RFX3: variants seen among roughly 807,000 people sequenced by gnomAD.
RFX3 encodes regulatory factor X3.
In RFX3, 14 loss-of-function variants were observed where a neutral mutation model predicts 98.6. The observed-to-expected ratio is 0.14, with a 90% CI of 0.09 to 0.22. The LOEUF is 0.22. RFX3 is among the 10% of genes least tolerant of loss of function. RFX3 has a pLI of 1.00. For synonymous variants in RFX3, 383 were observed against 328.4 expected (o/e 1.17, Z -1.80); for missense variants, 639 against 926.9 (o/e 0.69, Z 4.03).
chr9:3,457,550 C>T (rs1847304238), intron 1 of RFX3, among the ~76,000 whole-genome samples: 2 of 152,140 alleles, frequency 1.3e-5, no homozygotes, highest in African/African-American at 2.4e-5. Flanking sequence ...TCTGTCCCAA[C>T]CAGTAGTTTG....
At chr9:3,321,811 A>G (rs1157271735) in intron 4 of RFX3, among the ~76,000 whole-genome samples, 1 of 152,178 alleles carries the variant, frequency 6.6e-6, no homozygotes, top group Non-Finnish European at 1.5e-5. Context: ...TTTGATATAA[A>G]GACTAATATA....
chr9:3,227,459 C>T (rs911295743), intron 16 of RFX3, among the ~76,000 whole-genome samples: 6 of 152,160 alleles, frequency 3.9e-5, no homozygotes, highest in Non-Finnish European at 7.4e-5. Flanking sequence ...TATAAAAACT[C>T]GAAGACACTT....
chr9:3,229,098 G>C (rs1818146310), intron 15 of RFX3, among the ~76,000 whole-genome samples: 1 of 152,142 alleles, frequency 6.6e-6, no homozygotes, highest in African/African-American at 2.4e-5. Context: ...AGCTGTCTTA[G>C]CCTCTTCGCA....
chr9:3,525,391 A>C (rs549161763), intron 1 of RFX3, among the ~76,000 whole-genome samples: 56 of 152,292 alleles, frequency 3.7e-4, no homozygotes, highest in Admixed American at 1.1e-3. Flanking sequence ...CTCAGACCAG[A>C]CCTAAGGGAA....
chr9:3,335,429 A>G (rs2130960322), intron 3 of RFX3, among the ~76,000 whole-genome samples: 1 of 152,278 alleles, frequency 6.6e-6, no homozygotes, highest in Non-Finnish European at 1.5e-5. Context: ...TACTGAATAT[A>G]TTCTTCATAT....
In RFX3 at chr9:3,273,855, ACT is replaced by A. The variant is rs1425260716; in HGVS notation, c.1086+1643_1086+1644del. Among the ~76,000 whole-genome samples, 7 of 139,528 alleles carry A rather than the reference ACT, an allele frequency of 5.0e-5. No individual in the cohort carries two copies. The Admixed American group carries it at 5.1e-4, about 10-fold the overall frequency. 91.5% of individuals were successfully genotyped at this position (139,528 alleles called of 152,430 possible). A position where few individuals can be genotyped will look rare whatever the true frequency, so the allele number is the denominator to read the frequency against. On this transcript the variant is annotated intron_variant, in intron 9 of 16. Coordinates refer to ENST00000617270, the MANE Select transcript of RFX3 (RefSeq NM_001282116.2). The stretch of plus-strand genomic sequence containing the variant: ...ACTCCAGCCTGGGTGACAGAGTGAG[ACT>A]CTGTCTCAAAAAAAAAAAAAAAAAA...
At chr9:3,285,615 G>C (rs1300912163) in intron 7 of RFX3, among the ~76,000 whole-genome samples, 6 of 151,544 alleles carry the variant, frequency 4.0e-5, no homozygotes, top group Non-Finnish European at 8.9e-5. Context: ...ATTGGCAACA[G>C]TAACACTGCA....
At chr9:3,292,901 G>C (rs1360950200) in intron 6 of RFX3, among the ~76,000 whole-genome samples, 176 bp downstream of exon 6, 3 of 152,128 alleles carry the variant, frequency 2.0e-5, no homozygotes, top group Admixed American at 1.3e-4. Flanking sequence ...TTGTGGCTTG[G>C]AAAGAAGTCA....
rs113469900 is a variant in RFX3, at chr9:3,480,312, G to A, written c.-9+45435C>T. 4.6e-5 allele frequency among the ~76,000 whole-genome samples: 7 copies of A among 152,266 alleles called. 1 individual carries two copies. The highest frequency in any genetic ancestry group is 1.3e-4 in the Admixed American group (2 of 15,292). On this transcript the variant is annotated intron_variant, in intron 1 of 16. Coordinates refer to ENST00000617270, the MANE Select transcript of RFX3 (RefSeq NM_001282116.2). ...CTCAGAAATTCTCCCTCTCCATGTG[G>A]CCTCTTTTCCACTGGGTCTCTCTAG...
At chr9:3,520,684 T>C (rs1391226350) in intron 1 of RFX3, among the ~76,000 whole-genome samples, 3 of 152,204 alleles carry the variant, frequency 2.0e-5, no homozygotes, top group Non-Finnish European at 4.4e-5. Flanking sequence ...GTTTCTGTTT[T>C]TGGTGTTTTG....
chr9:3,504,134 T>TATATTATATATTATAC (rs1006817900), intron 1 of RFX3, among the ~76,000 whole-genome samples: 3 of 125,002 alleles, frequency 2.4e-5, no homozygotes, highest in South Asian at 4.5e-4. Flanking sequence ...TCTCTTTATA[T>TATATTATATATTATAC]ATATTATATA....
chr9:3,467,922 C>T (rs1848458781), intron 1 of RFX3, among the ~76,000 whole-genome samples: 1 of 152,192 alleles, frequency 6.6e-6, no homozygotes, highest in South Asian at 2.1e-4. Flanking sequence ...CAGCAGCAAT[C>T]ACCAAGTGTC....
intron 2 of RFX3, among the ~76,000 whole-genome samples, chr9:3,395,199 C>T (rs542883781): frequency 5.3e-5 from 8 of 152,234 alleles, no homozygotes; most frequent in South Asian, 2.1e-4. Context: ...GTGGTCATAT[C>T]AGAAAAAATA....
In RFX3 at chr9:3,272,475, T is replaced by A. The variant is rs563262137; in HGVS notation, c.1087-1357A>T. On this transcript the variant is annotated intron_variant, in intron 9 of 16. Coordinates refer to ENST00000617270, the MANE Select transcript of RFX3 (RefSeq NM_001282116.2). ...AAAAGTATAAAATGTTGCAAGTAGT[T>A]AAATATTGAAAATGAAGATAGGGAG... Among the ~76,000 whole-genome samples, 9 of 152,286 alleles carry A rather than the reference T, an allele frequency of 5.9e-5. No homozygotes were observed. The East Asian group carries it at 1.7e-3, about 29-fold the overall frequency.
At chr9:3,262,208 T>C (rs1027625733) in intron 13 of RFX3, among the ~76,000 whole-genome samples, 11 of 152,154 alleles carry the variant, frequency 7.2e-5, no homozygotes, top group Admixed American at 4.6e-4. Context: ...AATGCTATTG[T>C]TTTTATTTGG....
chr9:3,517,097 G>C (rs1818259468), intron 1 of RFX3, among the ~76,000 whole-genome samples: 2 of 152,172 alleles, frequency 1.3e-5, no homozygotes, highest in African/African-American at 4.8e-5. Context: ...TTGAGAACAT[G>C]AGTAAGGGAA....
chr9:3,488,604 G>A (rs982023320), intron 1 of RFX3, among the ~76,000 whole-genome samples: 1 of 152,160 alleles, frequency 6.6e-6, no homozygotes, highest in Non-Finnish European at 1.5e-5. Flanking sequence ...CTATGATAAA[G>A]ATTATTGTAA....
At chr9:3,335,799 A>G (rs771505302) in intron 3 of RFX3, among the ~76,000 whole-genome samples, 1 of 152,204 alleles carries the variant, frequency 6.6e-6, no homozygotes, top group Admixed American at 6.5e-5. Context: ...ATAAGGTTCT[A>G]TGTAAATGTC....
At chr9:3,410,787 A>G (rs1274080060) in intron 1 of RFX3, among the ~76,000 whole-genome samples, 4 of 152,198 alleles carry the variant, frequency 2.6e-5, no homozygotes, top group African/African-American at 9.7e-5. Context: ...CATTCTTTTA[A>G]AAAGATTTAA....
Sources: allele counts gnomAD v4.1 joint callset (sites outside exome capture counted in the v4.1 genomes callset), GRCh38; gene constraint gnomAD v4.1.1; transcripts MANE v1.5; gene names NCBI Gene and HGNC (gene_info 2026-07-23, HGNC 2026-07-21).